USP47: variants seen among roughly 807,000 people sequenced by gnomAD.
The protein encoded by USP47 is ubiquitin specific peptidase 47, also known as ubiquitin carboxyl-terminal hydrolase 47.
USP47 carries 35 observed loss-of-function variants against 165.1 expected under a neutral mutation model. The observed-to-expected ratio is 0.21, with a 90% CI of 0.16 to 0.28. USP47 has a LOEUF of 0.28. Among genes scored for constraint, USP47 ranks in the 10% least tolerant of loss-of-function variants. The pLI, the probability that USP47 is intolerant of heterozygous loss-of-function variation, is 1.00. For synonymous variants in USP47, 531 were observed against 544.5 expected (o/e 0.98, Z 0.35); for missense variants, 1,277 against 1,607.4 (o/e 0.79, Z 3.52).
At chr11:11,889,567 A>G (rs1187258773) in intron 3 of USP47, among the ~76,000 whole-genome samples, 6 of 152,212 alleles carry the variant, frequency 3.9e-5, no homozygotes, top group African/African-American at 1.2e-4. Context: ...GATACAAACA[A>G]ATGGGAAAAC....
chr11:11,934,644 T>C (rs1854923020), intron 16 of USP47, among the ~76,000 whole-genome samples: 1 of 152,086 alleles, frequency 6.6e-6, no homozygotes, highest in African/African-American at 2.4e-5. Flanking sequence ...TATGTTTAGA[T>C]TGTTTTGAGT....
intron 1 of USP47, among the ~76,000 whole-genome samples, chr11:11,857,610 T>TC (rs941662669): frequency 4.5e-4 from 69 of 152,172 alleles, no homozygotes; most frequent in African/African-American, 1.6e-3. Context: ...GAGTCTGGAC[T>TC]CAGGAGCTTA....
intron 5 of USP47, among the ~76,000 whole-genome samples, chr11:11,898,248 T>C (rs1851971169): frequency 6.6e-6 from 1 of 152,132 alleles, no homozygotes; most frequent in Non-Finnish European, 1.5e-5. Context: ...CATTTATTTT[T>C]ATGAATATCC....
At chr11:11,856,273 A>G (rs949754342) in intron 1 of USP47, among the ~76,000 whole-genome samples, 1 of 152,220 alleles carries the variant, frequency 6.6e-6, no homozygotes, top group African/African-American at 2.4e-5. Flanking sequence ...TTAGTTGCTG[A>G]AACTTGTTCA....
At chr11:11,933,761 A>G (rs2134708303) in intron 15 of USP47, 70 bp from the exon 16 acceptor site, 2 of 1,071,476 alleles carry the variant, frequency 1.9e-6, no homozygotes, top group East Asian at 4.8e-5. Flanking sequence ...ACAATTAGGA[A>G]TAAATGCTAT....
At chr11:11,848,535 C>A (rs953413485) in intron 1 of USP47, among the ~76,000 whole-genome samples, 1 of 151,976 alleles carries the variant, frequency 6.6e-6, no homozygotes, top group African/African-American at 2.4e-5. Flanking sequence ...AATTTCCCCT[C>A]ATTTCAGGCT....
At chr11:11,904,605 C>T (rs1280920411) in intron 7 of USP47, among the ~76,000 whole-genome samples, 2 of 152,094 alleles carry the variant, frequency 1.3e-5, no homozygotes, top group African/African-American at 4.8e-5. Flanking sequence ...TGGGTCAGCA[C>T]TTCCATTAAG....
At position 11,961,259 on chromosome 11, in the gene USP47, G is replaced by A. The variant is rs1230340767; in HGVS notation, c.*5084G>A. On this transcript the variant is annotated 3_prime_UTR_variant, in exon 28 of 28. Transcript: ENST00000527733. ...TTAAGGACCTTGACGTGGGAAGATT[G>A]TGATTATTTACCTGACAGGGCAAAA... is the stretch of plus-strand genomic sequence containing the variant. Among the ~76,000 whole-genome samples, 1 of 151,960 alleles carries A rather than the reference G, an allele frequency of 6.6e-6. No homozygotes were observed. Among genetic ancestry groups the A allele is most frequent in the Non-Finnish European group, 1.5e-5 (1 of 68,000 alleles).
intron 1 of USP47, among the ~76,000 whole-genome samples, chr11:11,842,561 A>G (rs567867084): frequency 6.6e-6 from 1 of 152,220 alleles, no homozygotes; most frequent in Non-Finnish European, 1.5e-5. Context: ...TTCAAAGAAA[A>G]CATTCTGGAA....
chr11:11,927,874 A>G (rs916862321), intron 11 of USP47, among the ~76,000 whole-genome samples: 1 of 152,070 alleles, frequency 6.6e-6, no homozygotes, highest in Non-Finnish European at 1.5e-5. Context: ...CTTTTTGGCA[A>G]TGTATTTGTG....
chr11:11,881,226 G>A (rs1850806442), intron 2 of USP47, among the ~76,000 whole-genome samples: 1 of 152,126 alleles, frequency 6.6e-6, no homozygotes, highest in Non-Finnish European at 1.5e-5. Context: ...TAGGTGTGAT[G>A]TGTTTATACT....
chr11:11,937,788 A>G (rs997725918), intron 17 of USP47, among the ~76,000 whole-genome samples: 4 of 151,936 alleles, frequency 2.6e-5, no homozygotes, highest in Non-Finnish European at 4.4e-5. Context: ...GACATAAAAC[A>G]TGAGGTTAAA....
At chr11:11,857,923 T>C (rs918109377) in intron 1 of USP47, among the ~76,000 whole-genome samples, 2 of 151,978 alleles carry the variant, frequency 1.3e-5, no homozygotes, top group Non-Finnish European at 2.9e-5. Context: ...AGCCTCTGAT[T>C]GGTTGCTTTC....
At chr11:11,916,102 A>C (rs1010393559) in intron 8 of USP47, among the ~76,000 whole-genome samples, 4 of 152,162 alleles carry the variant, frequency 2.6e-5, no homozygotes, top group African/African-American at 7.2e-5. Context: ...TTGGAGAACT[A>C]AGGATGTAAG....
At position 11,957,887 on chromosome 11, in the gene USP47, T is replaced by C. The variant is rs1291460572; in HGVS notation, c.*1712T>C. The C allele has an allele frequency of 6.6e-6, 1 of 152,168 alleles. No homozygotes were observed. The highest frequency in any genetic ancestry group is 1.5e-5 in the Non-Finnish European group (1 of 68,036). 9.4% of individuals were successfully genotyped at this position (152,168 alleles called of 1,614,324 possible). A position where few individuals can be genotyped will look rare whatever the true frequency, so the allele number is the denominator to read the frequency against. ...TTCTAAGGTATTTTTCTGGCTAATT[T>C]TTATTTGAAGAAAGCTATAGCATTT... is the stretch of plus-strand genomic sequence containing the variant. On this transcript the variant is annotated 3_prime_UTR_variant, in exon 28 of 28. Coordinates refer to ENST00000527733, the MANE Select transcript of USP47 (RefSeq NM_001282659.2).
chr11:11,917,188 G>T (rs1478398751), intron 8 of USP47, among the ~76,000 whole-genome samples: 1 of 152,020 alleles, frequency 6.6e-6, no homozygotes, highest in Non-Finnish European at 1.5e-5. Context: ...TATTTCAGAA[G>T]AACAACATGC....
At chr11:11,941,362 G>A (rs947236945) in intron 19 of USP47, among the ~76,000 whole-genome samples, 1 of 151,750 alleles carries the variant, frequency 6.6e-6, no homozygotes, top group Non-Finnish European at 1.5e-5. Context: ...TCCTTAAACG[G>A]TTAGCGTACT....
At chr11:11,848,407 G>A (rs1012289132) in intron 1 of USP47, among the ~76,000 whole-genome samples, 5 of 152,114 alleles carry the variant, frequency 3.3e-5, no homozygotes, top group African/African-American at 1.2e-4. Flanking sequence ...ACATACAGAA[G>A]GTACAGTAAA....
chr11:11,956,204 G>T lies in USP47; in HGVS notation c.*29G>T, dbSNP rs777491018. The stretch of plus-strand genomic sequence containing the variant: ...TGATAGTGTAGCATTTTCCCTGGGG[G>T]AGTTTTGGTTTTAATTAGATGGTTC... On this transcript the variant is annotated 3_prime_UTR_variant, in exon 28 of 28. Coordinates refer to ENST00000527733, the MANE Select transcript of USP47 (RefSeq NM_001282659.2). 6.2e-7 allele frequency: 1 copy of T among 1,611,406 alleles called. No homozygotes were observed. The highest frequency in any genetic ancestry group is 2.2e-5 in the East Asian group (1 of 44,822).
Sources: allele counts gnomAD v4.1 joint callset (sites outside exome capture counted in the v4.1 genomes callset), GRCh38; gene constraint gnomAD v4.1.1; transcripts MANE v1.5; gene names NCBI Gene and HGNC (gene_info 2026-07-23, HGNC 2026-07-21).